Variants in ARHGEF28 observed in about 807,000 individuals in gnomAD.
ARHGEF28 encodes the protein Rho guanine nucleotide exchange factor 28, also known as 190 kDa guanine nucleotide exchange factor.
A neutral mutation model predicts 206.6 loss-of-function variants in ARHGEF28; 152 were observed. The ratio of observed to expected loss-of-function variants is 0.74; its 90% CI spans 0.64 to 0.84. ARHGEF28 has a LOEUF of 0.84. Ranked by LOEUF, ARHGEF28 falls within the 40% of genes least tolerant of loss-of-function variation. The probability of loss-of-function intolerance (pLI) is 0.00; values close to 1 mark genes in which losing one functional copy is unlikely to be tolerated. For missense variants in ARHGEF28, 2,028 were observed against 2,073.2 expected, an observed-to-expected ratio of 0.98 and a Z score of 0.42; for synonymous variants, 763 against 776.4, an observed-to-expected ratio of 0.98 and a Z score of 0.29.
rs540716085 is a variant in ARHGEF28, at chr5:73,861,982, G to A, written c.2048-2835G>A. On this transcript the variant is annotated intron_variant, in intron 16 of 35. Coordinates refer to ENST00000513042, the MANE Select transcript of ARHGEF28 (RefSeq NM_001177693.2). The stretch of plus-strand genomic sequence containing the variant: ...GGTTAAATAATCTTTTTCCATGGGT[G>A]CATTTTTGTTTTTAATTGTGAAGGT... 2.6e-5 allele frequency among the ~76,000 whole-genome samples: 4 copies of A among 152,192 alleles called. No homozygotes were observed. In the South Asian group the frequency reaches 8.3e-4, roughly 32 times the overall value.
At chr5:73,749,702 C>T (rs1336360952) in intron 2 of ARHGEF28, 135 bp from the exon 3 acceptor site, 15 of 864,028 alleles carry the variant, frequency 1.7e-5, no homozygotes, top group Non-Finnish European at 2.7e-5. Flanking sequence ...GAAGGAAGCA[C>T]TCATGCTATT....
rs578060284 is a variant in ARHGEF28 at position 73,653,520 on chromosome 5, G to A, written c.-12+27198G>A. Among the ~76,000 whole-genome samples the A allele has an allele frequency of 6.6e-5, 10 of 152,254 alleles. 1 individual carries two copies. The South Asian group carries it at 1.9e-3, about 28-fold the overall frequency. ...TTCCTGTCCTCAGTGCAGCATGCAA[G>A]GTGCCTAGTGAGGAGACCCTTGCTT... On this transcript the variant is annotated intron_variant, in intron 1 of 35. Coordinates refer to ENST00000513042, the MANE Select transcript of ARHGEF28 (RefSeq NM_001177693.2).
intron 13 of ARHGEF28, among the ~76,000 whole-genome samples, chr5:73,851,995 G>C (rs1015084465): frequency 5.3e-5 from 8 of 152,006 alleles, no homozygotes; most frequent in African/African-American, 1.7e-4. Context: ...CCTCCTTCAG[G>C]CTCTCTCACT....
chr5:73,895,641 A>G (rs1761919739), intron 29 of ARHGEF28, among the ~76,000 whole-genome samples: 1 of 152,148 alleles, frequency 6.6e-6, no homozygotes, highest in Non-Finnish European at 1.5e-5. Context: ...CTGGTAAATT[A>G]CAGACCACGG....
intron 9 of ARHGEF28, among the ~76,000 whole-genome samples, chr5:73,800,345 C>T (rs79393701): frequency 0.02 from 3,093 of 152,142 alleles, 121 homozygotes; most frequent in African/African-American, 0.069. Context: ...TTCTATAAGA[C>T]GAAAGGGAAA....
chr5:73,752,180 A>G (rs1386205865), intron 3 of ARHGEF28, among the ~76,000 whole-genome samples: 4 of 152,172 alleles, frequency 2.6e-5, no homozygotes, highest in African/African-American at 9.7e-5. Flanking sequence ...CAAGGGCAGC[A>G]TAAAAATGTA....
intron 9 of ARHGEF28, chr5:73,813,527 G>T: frequency 1.3e-6 from 2 of 1,529,080 alleles, no homozygotes; most frequent in South Asian, 1.2e-5. Context: ...CCTGGCTGGG[G>T]ACGCCCCGAG....
chr5:73,716,227 G>GT lies in ARHGEF28; in HGVS notation c.33+31349dup, dbSNP rs571805582. Among the ~76,000 whole-genome samples the GT allele has an allele frequency of 8.2e-4, 125 of 152,144 alleles. 2 individuals carry two copies. The highest frequency in any genetic ancestry group is 2.8e-3 in the African/African-American group (116 of 41,494). ...ATGATTCTGTTAGCTGAGAATTATT[G>GT]TTTTTTGTGTTTTGATAGCAAATCT... On this transcript the variant is annotated intron_variant, in intron 2 of 35. Coordinates refer to ENST00000513042, the MANE Select transcript of ARHGEF28 (RefSeq NM_001177693.2).
At chr5:73,884,429 A>G (rs551946032) in intron 24 of ARHGEF28, among the ~76,000 whole-genome samples, 11 of 152,342 alleles carry the variant, frequency 7.2e-5, no homozygotes, top group Admixed American at 7.2e-4. Flanking sequence ...TGTCTGGTTT[A>G]CAGCTGAATC....
chr5:73,801,310 G>C (rs1202998596), intron 9 of ARHGEF28, among the ~76,000 whole-genome samples: 1 of 152,090 alleles, frequency 6.6e-6, no homozygotes, highest in Non-Finnish European at 1.5e-5. Flanking sequence ...AGCCAGGCGT[G>C]GTGGTAGGCG....
chr5:73,744,705 C>A (rs556063953), intron 2 of ARHGEF28, among the ~76,000 whole-genome samples: 17 of 152,064 alleles, frequency 1.1e-4, no homozygotes, highest in African/African-American at 3.9e-4. Flanking sequence ...CTTTATTATG[C>A]TTCTTTCCCT....
chr5:73,816,536 C>T (rs1756221001), intron 9 of ARHGEF28, among the ~76,000 whole-genome samples: 2 of 152,214 alleles, frequency 1.3e-5, no homozygotes, highest in Admixed American at 6.5e-5. Context: ...CTCTCTTGCT[C>T]TTTCCTTGTC....
chr5:73,746,989 T>C (rs1026972212), intron 2 of ARHGEF28, among the ~76,000 whole-genome samples: 3 of 152,144 alleles, frequency 2.0e-5, no homozygotes, highest in African/African-American at 7.2e-5. Context: ...GAAAAATGGG[T>C]TTTGACTGGA....
chr5:73,770,064 G>T (rs1376606429), intron 4 of ARHGEF28, among the ~76,000 whole-genome samples: 1 of 152,190 alleles, frequency 6.6e-6, no homozygotes. Flanking sequence ...TGTGGATATG[G>T]TAATGGTTCT....
At chr5:73,854,101 G>A (rs16870980) in intron 14 of ARHGEF28, among the ~76,000 whole-genome samples, 9,741 of 151,664 alleles carry the variant, frequency 0.064, 743 homozygotes, top group African/African-American at 0.16. Flanking sequence ...TACTCTCTCA[G>A]TCATATGCCT....
chr5:73,782,242 C>T (rs1753893635), intron 7 of ARHGEF28, among the ~76,000 whole-genome samples: 1 of 151,916 alleles, frequency 6.6e-6, no homozygotes, highest in Non-Finnish European at 1.5e-5. Context: ...GGTTCGAGAC[C>T]AGCCTGACCA....
chr5:73,877,356 TC>T (rs1256372787), intron 22 of ARHGEF28, among the ~76,000 whole-genome samples: 2 of 150,080 alleles, frequency 1.3e-5, no homozygotes, highest in Non-Finnish European at 3.0e-5. Flanking sequence ...ATTTTGTTGA[TC>T]CTTTCAAAAA....
intron 9 of ARHGEF28, among the ~76,000 whole-genome samples, chr5:73,814,798 A>G (rs1209198466): frequency 6.6e-6 from 1 of 152,080 alleles, no homozygotes; most frequent in Non-Finnish European, 1.5e-5. Context: ...TCCTTCTGAA[A>G]TACAATAGAA....
At chr5:73,714,746 GTCACCA>G (rs1266292093) in intron 2 of ARHGEF28, among the ~76,000 whole-genome samples, 2 of 152,098 alleles carry the variant, frequency 1.3e-5, no homozygotes, top group Non-Finnish European at 2.9e-5. Context: ...GTACACCTGT[GTCACCA>G]TCACCCAGAG....
Sources: gnomAD v4.1 joint callset for allele counts (sites outside exome capture counted in the v4.1 genomes callset) on GRCh38, gnomAD v4.1.1 for gene constraint, MANE v1.5 for transcripts, NCBI Gene and HGNC (gene_info 2026-07-23, HGNC 2026-07-21) for gene names.